The following CROCC variants were observed in gnomAD, a reference collection of about 807,000 sequenced individuals.
CROCC encodes the protein ciliary rootlet coiled-coil, rootletin, also known as rootletin.
A neutral mutation model predicts 245.2 loss-of-function variants in CROCC; 180 were observed. That is an observed-to-expected ratio of 0.73 (90% CI 0.65 to 0.83). CROCC has a LOEUF of 0.83. Ranked by LOEUF, CROCC falls within the 40% of genes least tolerant of loss-of-function variation. CROCC has a pLI of 0.00. For synonymous variants in CROCC, 1,205 were observed against 1,241.6 expected, an observed-to-expected ratio of 0.97 and a Z score of 0.62; for missense variants, 2,688 against 2,779.4, an observed-to-expected ratio of 0.97 and a Z score of 0.74.
At chr1:16,925,562 C>CA (rs1366520143) in intron 3 of CROCC, among the ~76,000 whole-genome samples, 1 of 152,270 alleles carries the variant, frequency 6.6e-6, no homozygotes, top group Non-Finnish European at 1.5e-5. Context: ...AGCTGGCCCC[C>CA]ACAAAGTTGG....
upstream of CROCC, among the ~76,000 whole-genome samples, chr1:16,921,479 G>C (rs1382995442): frequency 6.6e-6 from 1 of 152,292 alleles, no homozygotes; most frequent in Non-Finnish European, 1.5e-5. Context: ...TGCATTCTTT[G>C]CCCTACACCT....
chr1:16,914,086 G>T (rs1001945418), intron 1 of CROCC, among the ~76,000 whole-genome samples: 1 of 151,542 alleles, frequency 6.6e-6, no homozygotes, highest in Non-Finnish European at 1.5e-5. Flanking sequence ...CGCCCCGCCC[G>T]GTCCGGCCCG....
In CROCC at chr1:16,948,010, T is replaced by C. The variant is rs549591771; in HGVS notation, c.2515-321T>C. 1.6e-4 allele frequency among the ~76,000 whole-genome samples: 24 copies of C among 152,396 alleles called. No homozygotes were observed. The South Asian group carries it at 5.0e-3, about 32-fold the overall frequency. ...TGCACCACCACGCCCGGCTAATTTT[T>C]GTATTTTTAGTAGAGACAGGGTTTC... On this transcript the variant is annotated intron_variant, in intron 17 of 36. Coordinates refer to ENST00000375541, the MANE Select transcript of CROCC (RefSeq NM_014675.5).
At position 16,972,520 on chromosome 1, in the gene CROCC, C is replaced by A. The variant is rs934616193; in HGVS notation, c.*74C>A. 2.4e-5 allele frequency: 23 copies of A among 951,180 alleles called. No individual in the cohort carries two copies. Among genetic ancestry groups the A allele is most frequent in the South Asian group, 3.6e-5 (2 of 54,900 alleles). The allele number at this position is 951,180 out of a possible 1,614,324, so 58.9% of individuals were successfully genotyped here. On this transcript the variant is annotated 3_prime_UTR_variant, in exon 37 of 37. Coordinates refer to ENST00000375541, the MANE Select transcript of CROCC (RefSeq NM_014675.5). Reference sequence around the variant, plus strand: ...ACCCTTCTTTTGGACAGCCCCCCCACCCAGAGCCCGGTCCCTTGGGGGCCT... The same window carrying A: ...ACCCTTCTTTTGGACAGCCCCCCCAACCAGAGCCCGGTCCCTTGGGGGCCT...
rs146792981 is a variant in CROCC, at chr1:16,939,106, C to T, written c.1572C>T (p.Ile524=). ...ACSDSSTLAL[I]HSALHKRQLQ... is the part of the protein sequence containing the mutation. ...CAGACTCCTCCACGCTCGCCCTGAT[C>T]CACTCCGCCCTGCACAAGCGCCAGC... The change falls in exon 12 of 37, where the codon ATC becomes ATT. Residue 524 remains isoleucine (I), a synonymous_variant. Transcript: ENST00000375541. 57,056 of 1,546,980 alleles carry T rather than the reference C, an allele frequency of 0.037. 2 individuals carry two copies. Among genetic ancestry groups the T allele is most frequent in the Middle Eastern group, 0.053 (232 of 4,394 alleles).
At chr1:16,946,542 C>G (rs1557613440) in intron 16 of CROCC, 137 bp downstream of exon 16, 7 of 1,332,680 alleles carry the variant, frequency 5.3e-6, no homozygotes, top group Non-Finnish European at 7.3e-6. Flanking sequence ...GTCTCTGGTT[C>G]TCTGTCTGTC....
chr1:16,930,692 G>C lies in CROCC; in HGVS notation c.849+98G>C, dbSNP rs9435711. 8.7e-3 allele frequency: 11,838 copies of C among 1,357,544 alleles called. 20 individuals carry two copies. Among genetic ancestry groups the C allele is most frequent in the South Asian group, 0.013 (925 of 71,606 alleles). 84.1% of individuals were successfully genotyped at this position (1,357,544 alleles called of 1,614,324 possible). A position where few individuals can be genotyped will look rare whatever the true frequency, so the allele number is the denominator to read the frequency against. On this transcript the variant is annotated intron_variant, in intron 7 of 36. Coordinates refer to ENST00000375541, the MANE Select transcript of CROCC (RefSeq NM_014675.5). ...AGCCTGGAGAGGGAGAGGGAGCACT[G>C]TCCAAGGGAGCCTGTTAGCAGAAGT... is the stretch of plus-strand genomic sequence containing the variant.
In CROCC at chr1:16,929,844, A is replaced by AGCTGGAGCAGGCTCTGCG; in HGVS notation, c.359_376dup. 1.3e-6 allele frequency: 2 copies of AGCTGGAGCAGGCTCTGCG among 1,549,480 alleles called. No individual in the cohort carries two copies. The highest frequency in any genetic ancestry group is 1.7e-6 in the Non-Finnish European group (2 of 1,150,712). ...ACTCTCACCCAGGGCCCTTCCCTGC[A>AGCTGGAGCAGGCTCTGCG]GCTGGAGCAGGCTCTGCGGCTGGAG... is the stretch of plus-strand genomic sequence containing the variant. On this transcript the variant is annotated splice_acceptor_variant, in intron 3 of 36. Transcript: ENST00000375541. LOFTEE classifies it high-confidence loss of function.
chr1:16,936,764 C>T lies in CROCC; in HGVS notation c.1084C>T (p.Leu362=). ...CGAGGCAGCCCTGGAGAAACAGGCC[C>T]TGCTGCAGGCCCAGCTGGAGGAGCA... ...RAEAALEKQA[L]LQAQLEEQLR... is the part of the protein sequence containing the mutation. Residue 362 remains leucine, a synonymous_variant, in exon 9 of 37, where the codon CTG becomes TTG. Coordinates refer to ENST00000375541, the MANE Select transcript of CROCC (RefSeq NM_014675.5). 1.9e-6 allele frequency: 3 copies of T among 1,611,338 alleles called. No individual in the cohort carries two copies. The highest frequency in any genetic ancestry group is 2.5e-6 in the Non-Finnish European group (3 of 1,179,582).
rs2076541839 is a variant in CROCC at position 16,972,581 on chromosome 1, AG to A, written c.*136del. The A allele has an allele frequency of 1.7e-6, 1 of 594,518 alleles. No homozygotes were observed. The highest frequency in any genetic ancestry group is 2.9e-6 in the Non-Finnish European group (1 of 339,342). 36.8% of individuals were successfully genotyped at this position (594,518 alleles called of 1,614,324 possible). ...TGGGATGAGGAGGCGCTCTGCTGGC[AG>A]TGCTGAGGACGGGTACTCCAGCTCC... On this transcript the variant is annotated 3_prime_UTR_variant, in exon 37 of 37. Transcript: ENST00000375541.
chr1:16,958,620 G>GGGAGCTGGC lies in CROCC; in HGVS notation c.3910_3918dup (p.Ala1304_Leu1306dup). 1 of 1,555,034 alleles carries GGGAGCTGGC rather than the reference G, an allele frequency of 6.4e-7. No homozygotes were observed. Among genetic ancestry groups the GGGAGCTGGC allele is most frequent in the Non-Finnish European group, 8.7e-7 (1 of 1,149,636 alleles). On this transcript the variant is annotated inframe_insertion, in exon 26 of 37. Coordinates refer to ENST00000375541, the MANE Select transcript of CROCC (RefSeq NM_014675.5). ...GACAGTGAGAACACCAGACTGGGCC[G>GGGAGCTGGC]GGAGCTGGCGGAGCTGCAGGGCCGC...
chr1:16,967,819 C>T (rs2100551869), intron 30 of CROCC, among the ~76,000 whole-genome samples: 1 of 152,302 alleles, frequency 6.6e-6, no homozygotes, highest in African/African-American at 2.4e-5. Context: ...GTCAGTGGGG[C>T]AGGAGAAGGG....
intron 23 of CROCC, 27 bp from the exon 24 acceptor site, chr1:16,955,285 C>T (rs1411451904): frequency 2.5e-6 from 4 of 1,599,262 alleles, no homozygotes; most frequent in Admixed American, 3.3e-5. Context: ...CTGACCGCTG[C>T]CCTGGGGACA....
intron 11 of CROCC, 128 bp downstream of exon 11, chr1:16,938,611 C>T (rs1368503844): frequency 6.3e-6 from 6 of 947,406 alleles, no homozygotes; most frequent in South Asian, 1.7e-5. Context: ...TGTAGCTGCT[C>T]AGCACCCCTG....
intron 14 of CROCC, among the ~76,000 whole-genome samples, 198 bp downstream of exon 14, chr1:16,944,480 A>G (rs776449232): frequency 5.7e-4 from 87 of 152,340 alleles, no homozygotes; most frequent in Non-Finnish European, 1.1e-3. Flanking sequence ...CTGGAGTCAG[A>G]GAACTAGTTA....
chr1:16,959,103 A>G (rs1186038938), intron 26 of CROCC, among the ~76,000 whole-genome samples: 1 of 151,998 alleles, frequency 6.6e-6, no homozygotes, highest in Non-Finnish European at 1.5e-5. Flanking sequence ...GCTCACTGCA[A>G]CCTCCGCCTC....
At position 16,954,709 on chromosome 1, in the gene CROCC, A is replaced by C; in HGVS notation, c.3322-25A>C. 6.5e-7 allele frequency: 1 copy of C among 1,535,020 alleles called. No homozygotes were observed. Among genetic ancestry groups the C allele is most frequent in the Non-Finnish European group, 8.8e-7 (1 of 1,136,772 alleles). Reference sequence around the variant, plus strand: ...GGGGCTGGGGGACACAGCAGGACCAAGTCTGAGGAGCCCCTCTGTCCCAGA... The same window carrying C: ...GGGGCTGGGGGACACAGCAGGACCACGTCTGAGGAGCCCCTCTGTCCCAGA... On this transcript the variant is annotated intron_variant, in intron 22 of 36. Transcript: ENST00000375541. This position sits in a 1 kb window ranked among gnomAD's most constrained non-coding sequence, Gnocchi z 4.4.
chr1:16,930,244 T>C (rs2075639030), intron 5 of CROCC, 37 bp downstream of exon 5: 1 of 1,588,170 alleles, frequency 6.3e-7, no homozygotes, highest in Non-Finnish European at 8.6e-7. Context: ...GGCCCTGCCC[T>C]CCACCTGCCC....
At chr1:16,923,221 T>C (rs1290042173) in intron 2 of CROCC, among the ~76,000 whole-genome samples, 19 of 152,278 alleles carry the variant, frequency 1.2e-4, no homozygotes, top group African/African-American at 4.6e-4. Context: ...GGATGGTCCC[T>C]GCTCCTCTCA....
Sources: allele counts gnomAD v4.1 joint callset (sites outside exome capture counted in the v4.1 genomes callset), GRCh38; gene constraint gnomAD v4.1.1; non-coding constraint Gnocchi (gnomAD v3.1); transcripts MANE v1.5; gene names NCBI Gene and HGNC (gene_info 2026-07-23, HGNC 2026-07-21).